MYO5C: variants seen among roughly 807,000 people sequenced by gnomAD.
MYO5C encodes unconventional myosin-Vc.
In MYO5C, 194 loss-of-function variants were observed where a neutral mutation model predicts 235.7. The ratio of observed to expected loss-of-function variants is 0.82; its 90% CI spans 0.73 to 0.93. The LOEUF is 0.93. Ranked by LOEUF, MYO5C falls within the 40% of genes least tolerant of loss-of-function variation. MYO5C has a pLI of 0.00. For missense variants in MYO5C, 2,038 were observed against 2,127.2 expected (o/e 0.96, Z 0.82); for synonymous variants, 707 against 754.8 (o/e 0.94, Z 1.04).
chr15:52,269,810 CAATG>C lies in MYO5C; in HGVS notation c.879_882del (p.Ile294ArgfsTer3). 2 of 1,613,938 alleles carry C rather than the reference CAATG, an allele frequency of 1.2e-6. No individual in the cohort carries two copies. The highest frequency in any genetic ancestry group is 1.7e-6 in the Non-Finnish European group (2 of 1,179,918). On this transcript the variant is annotated frameshift_variant, in exon 8 of 41. Coordinates refer to ENST00000261839, the MANE Select transcript of MYO5C (RefSeq NM_018728.4). LOFTEE classifies it high-confidence loss of function. ...ATTTCAGCTCGATCATTCACACCCT[CAATG>C]ACAGTATTGCCTCCCATTCTTGTAT...
chr15:52,201,353 G>C (rs977857718), intron 38 of MYO5C, among the ~76,000 whole-genome samples: 1 of 152,192 alleles, frequency 6.6e-6, no homozygotes, highest in African/African-American at 2.4e-5. Flanking sequence ...TGAAACCACA[G>C]TAGCTAGAAA....
intron 15 of MYO5C, among the ~76,000 whole-genome samples, chr15:52,247,236 A>G (rs1331983914): frequency 1.3e-5 from 2 of 152,226 alleles, no homozygotes; most frequent in Non-Finnish European, 2.9e-5. Flanking sequence ...AGAACTGAAT[A>G]AACCATGTTA....
At chr15:52,261,200 C>T (rs1472835494) in intron 9 of MYO5C, 73 bp from the exon 10 acceptor site, 1 of 1,549,146 alleles carries the variant, frequency 6.5e-7, no homozygotes, top group East Asian at 2.3e-5. Context: ...CGGCCAAGGC[C>T]CCCGTGCCCA....
In MYO5C at chr15:52,245,443, T is replaced by G. The variant is rs1218477881; in HGVS notation, c.2089A>C (p.Ser697Arg). ...TTGGTCATGAGAATGCCGTAGCGACTGTAGAACTCGATGTATGTCCACCTG... is the reference window on the plus strand; with the variant it reads ...TTGGTCATGAGAATGCCGTAGCGACGGTAGAACTCGATGTATGTCCACCTG... ...PSRWTYIEFYSRYGILMTKQE... is the reference protein window; with the variant it reads ...PSRWTYIEFYRRYGILMTKQE... The change falls in exon 18 of 41, where the codon AGT becomes CGT. Residue 697 changes from serine to arginine, a missense_variant. Ser to Arg is a moderately radical substitution (Grantham distance 110). Coordinates refer to ENST00000261839, the MANE Select transcript of MYO5C (RefSeq NM_018728.4). The G allele has an allele frequency of 6.2e-7, 1 of 1,613,976 alleles. No homozygotes were observed.
At chr15:52,207,033 T>TG (rs775305894) in intron 36 of MYO5C, among the ~76,000 whole-genome samples, 2 of 151,864 alleles carry the variant, frequency 1.3e-5, no homozygotes, top group Non-Finnish European at 1.5e-5. Flanking sequence ...CTCAGGAGGC[T>TG]GAGGCAGGAG....
At chr15:52,219,869 G>T in intron 30 of MYO5C, 47 bp from the exon 31 acceptor site, 1 of 1,436,218 alleles carries the variant, frequency 7.0e-7, no homozygotes, top group Non-Finnish European at 9.8e-7. Flanking sequence ...ACATATCACT[G>T]CATTCTGATT....
At chr15:52,276,654 C>T (rs1320821468) in intron 4 of MYO5C, among the ~76,000 whole-genome samples, 1 of 152,176 alleles carries the variant, frequency 6.6e-6, no homozygotes, top group African/African-American at 2.4e-5. Context: ...AAGATAGCAG[C>T]CTCAGGCCTT....
chr15:52,227,872 A>T (rs2035863968), intron 25 of MYO5C, among the ~76,000 whole-genome samples: 1 of 152,242 alleles, frequency 6.6e-6, no homozygotes, highest in South Asian at 2.1e-4. Flanking sequence ...TGACAATTAC[A>T]GAGACTATTT....
chr15:52,294,538 TTCTA>T (rs2037458523), intron 1 of MYO5C, among the ~76,000 whole-genome samples: 1 of 152,230 alleles, frequency 6.6e-6, no homozygotes, highest in Non-Finnish European at 1.5e-5. Flanking sequence ...TAACTATCTT[TTCTA>T]TCTACAGCAA....
chr15:52,215,249 C>G (rs910646909), intron 32 of MYO5C, among the ~76,000 whole-genome samples: 4 of 152,166 alleles, frequency 2.6e-5, no homozygotes, highest in African/African-American at 9.7e-5. Context: ...GAAGCTGGAG[C>G]TAGAGAAATG....
At chr15:52,251,584 T>A in intron 12 of MYO5C, 69 bp from the exon 13 acceptor site, 1 of 1,312,818 alleles carries the variant, frequency 7.6e-7, no homozygotes, top group Non-Finnish European at 1.0e-6. Context: ...GGAAAAGCAC[T>A]AATTCTAAGA....
At chr15:52,232,533 G>C (rs2035988430) in intron 24 of MYO5C, 89 bp downstream of exon 24, 1 of 1,240,442 alleles carries the variant, frequency 8.1e-7, no homozygotes, top group East Asian at 2.3e-5. Flanking sequence ...TCTTGTATCT[G>C]TGTCTGCTAT....
intron 23 of MYO5C, among the ~76,000 whole-genome samples, chr15:52,233,833 T>C (rs1219557337): frequency 6.6e-6 from 1 of 152,176 alleles, no homozygotes; most frequent in East Asian, 1.9e-4. Flanking sequence ...AGCTGATATC[T>C]CATCCTTGAG....
At chr15:52,241,371 T>C (rs1188524151) in intron 20 of MYO5C, among the ~76,000 whole-genome samples, 1 of 147,468 alleles carries the variant, frequency 6.8e-6, no homozygotes, top group Non-Finnish European at 1.5e-5. Flanking sequence ...GCCATTCTCC[T>C]GCCTCAGCCT....
Position 52,278,908 on chromosome 15 carries a change from A to C in MYO5C, c.414T>G (p.Phe138Leu). The C allele has an allele frequency of 6.2e-7, 1 of 1,614,104 alleles. No individual in the cohort carries two copies. Among genetic ancestry groups the C allele is most frequent in the African/African-American group, 1.3e-5 (1 of 75,032 alleles). ...QNMGDMDPHI[F>L]AVAEEAYKQM... ...GCTTGTATGCCTCTTCTGCCACGGC[A>C]AATATGTGTGGGTCCATATCGCCCA... The change falls in exon 4 of 41, where the codon TTT becomes TTG. Residue 138 changes from phenylalanine to leucine, a missense_variant. Coordinates refer to ENST00000261839, the MANE Select transcript of MYO5C (RefSeq NM_018728.4).
intron 1 of MYO5C, among the ~76,000 whole-genome samples, chr15:52,290,591 C>G (rs2037367058): frequency 6.7e-6 from 1 of 148,594 alleles, no homozygotes; most frequent in African/African-American, 2.5e-5. Context: ...CAGTCATAAC[C>G]TGAGTTCTAA....
intron 20 of MYO5C, among the ~76,000 whole-genome samples, chr15:52,241,491 C>T (rs1242740515): frequency 6.6e-6 from 1 of 152,092 alleles, no homozygotes; most frequent in East Asian, 1.9e-4. Context: ...GATCTCCTGA[C>T]CTCATGATCC....
chr15:52,218,322 G>C (rs958299231), intron 32 of MYO5C, among the ~76,000 whole-genome samples, 197 bp downstream of exon 32: 2 of 152,136 alleles, frequency 1.3e-5, no homozygotes, highest in Non-Finnish European at 2.9e-5. Context: ...CCCTCCCCAG[G>C]CGGGCCTGTA....
chr15:52,283,012 T>A (rs1484701827), intron 1 of MYO5C, 120 bp from the exon 2 acceptor site: 1 of 688,818 alleles, frequency 1.5e-6, no homozygotes, highest in East Asian at 2.7e-5. Context: ...GAGGAATACG[T>A]CTACCTAATT....
Sources: allele counts gnomAD v4.1 joint callset (sites outside exome capture counted in the v4.1 genomes callset), GRCh38; gene constraint gnomAD v4.1.1; transcripts MANE v1.5; gene names NCBI Gene and HGNC (gene_info 2026-07-23, HGNC 2026-07-21).